Variants in AHCYL2 observed in about 807,000 individuals in gnomAD.
AHCYL2 encodes the protein S-adenosylhomocysteine hydrolase-like protein 2.
Under a neutral mutation model 81.4 loss-of-function variants are expected in AHCYL2, and 28 were observed. That is an observed-to-expected ratio of 0.34 (90% confidence interval 0.25 to 0.47). The LOEUF (loss-of-function observed/expected upper bound fraction) is 0.47. AHCYL2 is among the 20% of genes least tolerant of loss of function. The pLI is 1.00. For synonymous variants in AHCYL2, 272 were observed against 290.2 expected (o/e 0.94, Z 0.64); for missense variants, 551 against 785.1 (o/e 0.70, Z 3.56).
At chr7:129,276,037 T>C (rs1320724702) in intron 1 of AHCYL2, among the ~76,000 whole-genome samples, 1 of 152,194 alleles carries the variant, frequency 6.6e-6, no homozygotes, top group African/African-American at 2.4e-5. Flanking sequence ...ACTATTCTCG[T>C]ACTCAATTCA....
At chr7:129,284,446 A>T (rs1796555686) in intron 1 of AHCYL2, among the ~76,000 whole-genome samples, 1 of 152,106 alleles carries the variant, frequency 6.6e-6, no homozygotes, top group African/African-American at 2.4e-5. Flanking sequence ...TAAAAATAAA[A>T]AAATTAGCTG....
At chr7:129,301,701 T>G (rs1227219922) in intron 1 of AHCYL2, among the ~76,000 whole-genome samples, 1 of 152,220 alleles carries the variant, frequency 6.6e-6, no homozygotes, top group Non-Finnish European at 1.5e-5. Context: ...GGGTTCTCTA[T>G]TCTGTTCCAT....
At chr7:129,327,956 G>C (rs568196066) in intron 1 of AHCYL2, among the ~76,000 whole-genome samples, 76 of 151,926 alleles carry the variant, frequency 5.0e-4, no homozygotes, top group African/African-American at 1.8e-3. Context: ...ACCACACCCA[G>C]CTAATTTTTT....
intron 1 of AHCYL2, among the ~76,000 whole-genome samples, chr7:129,277,258 A>G (rs1453131292): frequency 6.7e-6 from 1 of 150,132 alleles, no homozygotes; most frequent in Admixed American, 6.7e-5. Context: ...GAACATATTT[A>G]TTACCTCTAA....
At chr7:129,389,401 A>AG (rs1376598732) in intron 3 of AHCYL2, among the ~76,000 whole-genome samples, 3 of 151,614 alleles carry the variant, frequency 2.0e-5, no homozygotes, top group South Asian at 4.2e-4. Context: ...AAAAAAAAAA[A>AG]AGGGAGAGAG....
At chr7:129,341,239 A>G (rs940907147) in intron 1 of AHCYL2, among the ~76,000 whole-genome samples, 2 of 152,230 alleles carry the variant, frequency 1.3e-5, no homozygotes, top group African/African-American at 4.8e-5. Flanking sequence ...GACAAAGGAA[A>G]AGGACATTGA....
chr7:129,349,131 G>T (rs923392017), intron 1 of AHCYL2, among the ~76,000 whole-genome samples: 1 of 152,086 alleles, frequency 6.6e-6, no homozygotes, highest in African/African-American at 2.4e-5. Context: ...CTTCTTAACT[G>T]TAAAAAGAAG....
intron 1 of AHCYL2, among the ~76,000 whole-genome samples, chr7:129,307,894 G>A (rs1797500409): frequency 6.6e-6 from 1 of 151,874 alleles, no homozygotes; most frequent in Non-Finnish European, 1.5e-5. Flanking sequence ...GCTAGGGCCT[G>A]GAATGGGACC....
intron 1 of AHCYL2, among the ~76,000 whole-genome samples, chr7:129,249,994 A>G (rs889175108): frequency 2.0e-5 from 3 of 152,098 alleles, no homozygotes; most frequent in Non-Finnish European, 4.4e-5. Context: ...TCTTTTGGCT[A>G]TTGTGAATAA....
intron 6 of AHCYL2, among the ~76,000 whole-genome samples, chr7:129,402,453 G>A (rs1242588693): frequency 6.6e-6 from 1 of 152,212 alleles, no homozygotes; most frequent in Admixed American, 6.5e-5. Flanking sequence ...CAAGATGGGT[G>A]CATGTCAGCA....
intron 4 of AHCYL2, among the ~76,000 whole-genome samples, chr7:129,393,161 A>C (rs148122284): frequency 3.9e-4 from 59 of 152,360 alleles, no homozygotes; most frequent in African/African-American, 1.3e-3. Context: ...TCACGCCTGT[A>C]ATCCCAGCAC....
In AHCYL2 at chr7:129,225,395, A is replaced by G; in HGVS notation, c.319A>G (p.Ser107Gly). ...RHRDGGEALV[S>G]PDGTVTEAPR... is the part of the protein sequence containing the mutation. ...CCGCGACGGCGGCGAGGCCCTGGTC[A>G]GCCCCGACGGCACCGTCACCGAGGC... is the stretch of plus-strand genomic sequence containing the variant. The change falls in exon 1 of 17, where the codon AGC (serine) becomes GGC (glycine). Residue 107 changes from serine (S) to glycine (G), a missense_variant. Around this residue, in one of 2 missense-constraint regions of AHCYL2, gnomAD observed 235 missense variants for 242.1 expected, o/e 0.97. Coordinates refer to ENST00000325006, the MANE Select transcript of AHCYL2 (RefSeq NM_015328.4). 1 of 1,516,920 alleles carries G rather than the reference A, an allele frequency of 6.6e-7. No individual in the cohort carries two copies. 94.0% of individuals were successfully genotyped at this position (1,516,920 alleles called of 1,614,324 possible). A position where few individuals can be genotyped will look rare whatever the true frequency, so the allele number is the denominator to read the frequency against.
At chr7:129,403,134 G>A (rs537396397) in intron 6 of AHCYL2, among the ~76,000 whole-genome samples, 12 of 152,178 alleles carry the variant, frequency 7.9e-5, no homozygotes, top group African/African-American at 1.7e-4. Flanking sequence ...GATATGTCAC[G>A]GGGAGGGTCG....
At chr7:129,241,530 G>T (rs1246506380) in intron 1 of AHCYL2, among the ~76,000 whole-genome samples, 1 of 152,166 alleles carries the variant, frequency 6.6e-6, no homozygotes, top group Admixed American at 6.5e-5. Flanking sequence ...GGCAGAGGTT[G>T]CAGTGAGCTG....
At chr7:129,399,141 C>CAAAAAAAAAAAAAAAAAAAAAAA (rs71162600) in intron 5 of AHCYL2, among the ~76,000 whole-genome samples, 1 of 44,968 alleles carries the variant, frequency 2.2e-5, no homozygotes, top group African/African-American at 1.0e-4. Context: ...GACTCCATCT[C>CAAAAAAAAAAAAAAAAAAAAAAA]AAAAAAAAAA....
intron 1 of AHCYL2, among the ~76,000 whole-genome samples, chr7:129,318,433 A>C (rs763214548): frequency 2.0e-4 from 30 of 152,224 alleles, no homozygotes; most frequent in Non-Finnish European, 3.7e-4. Flanking sequence ...GAAACAACAG[A>C]CTATTCAAAA....
intron 8 of AHCYL2, 86 bp downstream of exon 8, chr7:129,405,299 C>A: frequency 1.2e-6 from 1 of 854,296 alleles, no homozygotes; most frequent in Non-Finnish European, 1.8e-6. Flanking sequence ...GGAAAGGATT[C>A]ATGTAGCACC....
At chr7:129,290,433 G>A (rs1460628007) in intron 1 of AHCYL2, among the ~76,000 whole-genome samples, 5 of 150,896 alleles carry the variant, frequency 3.3e-5, no homozygotes, top group African/African-American at 2.4e-5. Context: ...CCCGGGAGGC[G>A]GAGCTTGCAG....
At chr7:129,338,457 C>T (rs147417920) in intron 1 of AHCYL2, among the ~76,000 whole-genome samples, 13 of 152,276 alleles carry the variant, frequency 8.5e-5, no homozygotes, top group South Asian at 4.2e-4. Flanking sequence ...GCCTGGCCTA[C>T]CTTATAAATT....
Sources: allele counts gnomAD v4.1 joint callset (sites outside exome capture counted in the v4.1 genomes callset), GRCh38; gene constraint gnomAD v4.1.1; regional missense constraint gnomAD v4.1.1; transcripts MANE v1.5; gene names NCBI Gene and HGNC (gene_info 2026-07-23, HGNC 2026-07-21).